The following TP73 variants were observed in gnomAD, a reference collection of about 807,000 sequenced individuals.
The protein encoded by TP73 is p53-like transcription factor.
TP73 carries 25 observed loss-of-function variants against 62.5 expected under a neutral mutation model. The observed-to-expected ratio is 0.40, with a 90% CI of 0.29 to 0.56. The LOEUF (loss-of-function observed/expected upper bound fraction) is 0.56. TP73 is among the 20% of genes least tolerant of loss of function. The pLI, the probability that TP73 is intolerant of heterozygous loss-of-function variation, is 0.46. For missense variants in TP73, 754 were observed against 913.3 expected (o/e 0.83, Z 2.25); for synonymous variants, 423 against 377.5 (o/e 1.12, Z -1.40).
At chr1:3,689,489 C>T (rs1346207424) in intron 3 of TP73, among the ~76,000 whole-genome samples, 3 of 152,078 alleles carry the variant, frequency 2.0e-5, no homozygotes, top group Non-Finnish European at 2.9e-5. Flanking sequence ...GTCCTTTCGT[C>T]CTCAGCCCGG....
chr1:3,682,309 G>C, intron 1 of TP73, 24 bp from the exon 2 acceptor site: 1 of 1,442,640 alleles, frequency 6.9e-7, no homozygotes. Context: ...AGGGTGCTCA[G>C]GTGTCATTCC....
chr1:3,680,242 T>C (rs186572160), intron 1 of TP73, among the ~76,000 whole-genome samples: 116 of 152,332 alleles, frequency 7.6e-4, no homozygotes, highest in African/African-American at 2.6e-3. Context: ...TCGTTCCTTT[T>C]CATGGCCGCG....
intron 1 of TP73, among the ~76,000 whole-genome samples, chr1:3,675,337 C>A (rs1645338360): frequency 6.6e-6 from 1 of 151,922 alleles, no homozygotes; most frequent in East Asian, 1.9e-4. Flanking sequence ...TCTCCTCCCA[C>A]AATGGCCCCA....
intron 3 of TP73, among the ~76,000 whole-genome samples, chr1:3,703,104 C>T (rs1240650093): frequency 6.6e-6 from 1 of 152,166 alleles, no homozygotes; most frequent in African/African-American, 2.4e-5. Flanking sequence ...CCAGAAAGCC[C>T]CCTACACTTC....
In TP73 at chr1:3,692,129, G is replaced by A. The variant is rs117344400; in HGVS notation, c.186+8949G>A. Among the ~76,000 whole-genome samples, 106 of 152,288 alleles carry A rather than the reference G, an allele frequency of 7.0e-4. 2 individuals carry two copies. The East Asian group carries it at 0.019, about 28-fold the overall frequency. On this transcript the variant is annotated intron_variant, in intron 3 of 13. Transcript: ENST00000378295. ...TGCCTGTGTGTTGTGGTGTGTGTAC[G>A]TGTGAGCAGATTGGTACTGCAGGTG...
chr1:3,702,942 T>C (rs919905543), intron 3 of TP73, among the ~76,000 whole-genome samples: 1 of 152,180 alleles, frequency 6.6e-6, no homozygotes, highest in Non-Finnish European at 1.5e-5. Context: ...CAGGGTTCCC[T>C]GTTTCAGCAG....
Position 3,733,197 on chromosome 1 carries a change from A to G in TP73, c.*118A>G, listed in dbSNP as rs1642273327. 4.8e-6 allele frequency: 6 copies of G among 1,250,486 alleles called. No individual in the cohort carries two copies. The highest frequency in any genetic ancestry group is 3.0e-5 in the African/African-American group (2 of 66,128). 77.5% of individuals were successfully genotyped at this position (1,250,486 alleles called of 1,614,324 possible). ...GGACCTTCGGGCTGTGCCCGGGGAA[A>G]GGCAAGGTCCGGCCCATCCCCAGGC... is the stretch of plus-strand genomic sequence containing the variant. On this transcript the variant is annotated 3_prime_UTR_variant, in exon 14 of 14. Transcript: ENST00000378295.
In TP73 at chr1:3,690,825, T is replaced by C. The variant is rs1570458199; in HGVS notation, c.186+7645T>C. On this transcript the variant is annotated intron_variant, in intron 3 of 13. Coordinates refer to ENST00000378295, the MANE Select transcript of TP73 (RefSeq NM_005427.4). ...TGCCGGGCGGCCACGACCGTGACCCTTCCCCTCGGGCCGCCCAGATCCATG... is the reference window on the plus strand; with the variant it reads ...TGCCGGGCGGCCACGACCGTGACCCCTCCCCTCGGGCCGCCCAGATCCATG... 5 of 1,543,014 alleles carry C rather than the reference T, an allele frequency of 3.2e-6. No individual in the cohort carries two copies. In the East Asian group the frequency reaches 1.2e-4, roughly 38 times the overall value.
intron 3 of TP73, among the ~76,000 whole-genome samples, chr1:3,692,528 G>A (rs892775303): frequency 2.6e-5 from 4 of 152,196 alleles, no homozygotes; most frequent in South Asian, 2.1e-4. Flanking sequence ...CCACCAACAC[G>A]TTGCTATTAG....
intron 1 of TP73, among the ~76,000 whole-genome samples, chr1:3,671,901 C>A (rs1440318854): frequency 6.6e-6 from 1 of 151,112 alleles, no homozygotes; most frequent in Non-Finnish European, 1.5e-5. Flanking sequence ...GCGGCCACCA[C>A]TGTGCAGGGG....
rs528369233 is a variant in TP73, at chr1:3,732,770, C to T, written c.1602C>T (p.Pro534=). The T allele has an allele frequency of 1.0e-5, 16 of 1,585,342 alleles. No individual in the cohort carries two copies. Among genetic ancestry groups the T allele is most frequent in the East Asian group, 2.3e-5 (1 of 44,408 alleles). The part of the protein sequence containing the change: ...TIEDLGALKI[P]EQYRMTIWRG... ...AGGACCTGGGGGCCCTGAAGATCCC[C>T]GAGCAGTACCGCATGACCATCTGGC... Residue 534 remains proline, a synonymous_variant, in exon 14 of 14, where the codon CCC becomes CCT. Coordinates refer to ENST00000378295, the MANE Select transcript of TP73 (RefSeq NM_005427.4).
chr1:3,718,141 G>A (rs1184017632), intron 4 of TP73, among the ~76,000 whole-genome samples: 2 of 152,188 alleles, frequency 1.3e-5, no homozygotes, highest in Admixed American at 6.5e-5. Context: ...CCCACTTCCC[G>A]GGGTGGGTGG....
At chr1:3,684,323 G>A (rs375219993) in intron 3 of TP73, among the ~76,000 whole-genome samples, 3 of 152,236 alleles carry the variant, frequency 2.0e-5, no homozygotes, top group African/African-American at 7.2e-5. Flanking sequence ...CGCGTCTGGG[G>A]CAGGGTCGGG....
In TP73 at chr1:3,733,002, T is replaced by A; in HGVS notation, c.1834T>A (p.Phe612Ile). Residue 612 changes from phenylalanine (F) to isoleucine (I), a missense_variant, in exon 14 of 14, where the codon TTC (phenylalanine) becomes ATC (isoleucine). By Grantham distance (21) the Phe-to-Ile change is conservative (BLOSUM62 0). Coordinates refer to ENST00000378295, the MANE Select transcript of TP73 (RefSeq NM_005427.4). ...PGGGPDEWAD[F>I]GFDLPDCKAR... ...CGGCGGCCCTGACGAGTGGGCGGAC[T>A]TCGGCTTCGACCTGCCCGACTGCAA... 1 of 1,573,176 alleles carries A rather than the reference T, an allele frequency of 6.4e-7. No individual in the cohort carries two copies. Among genetic ancestry groups the A allele is most frequent in the Non-Finnish European group, 8.6e-7 (1 of 1,163,646 alleles).
intron 3 of TP73, among the ~76,000 whole-genome samples, chr1:3,703,958 G>A (rs528582788): frequency 6.6e-6 from 1 of 152,350 alleles, no homozygotes; most frequent in Admixed American, 6.5e-5. Flanking sequence ...AAGAGAGAGG[G>A]CACCACGGAG....
intron 3 of TP73, chr1:3,690,657 G>A (rs1269954698): frequency 1.4e-5 from 19 of 1,396,874 alleles, no homozygotes; most frequent in Middle Eastern, 2.7e-4. Flanking sequence ...GGGGTGGGCC[G>A]CGGGTTTTGT....
Position 3,730,973 on chromosome 1 carries a change from C to A in TP73, c.1392C>A (p.Gly464=). Residue 464 remains glycine, a synonymous_variant, in exon 12 of 14, where the codon GGC becomes GGA. Transcript: ENST00000378295. The part of the protein sequence containing the change: ...NNHGHAVPAN[G]EMSSSHSAQS... ...ATGGCCACGCAGTGCCAGCCAACGG[C>A]GAGATGAGCAGCAGCCACAGCGCCC... The A allele has an allele frequency of 3.7e-6, 6 of 1,611,908 alleles. No individual in the cohort carries two copies. Among genetic ancestry groups the A allele is most frequent in the South Asian group, 1.1e-5 (1 of 90,988 alleles).
chr1:3,687,890 G>A (rs1645704792), intron 3 of TP73, among the ~76,000 whole-genome samples: 1 of 152,158 alleles, frequency 6.6e-6, no homozygotes, highest in African/African-American at 2.4e-5. Flanking sequence ...CCAGTGGCAG[G>A]ACAGACACCC....
At chr1:3,684,551 C>T (rs1426087834) in intron 3 of TP73, among the ~76,000 whole-genome samples, 1 of 152,174 alleles carries the variant, frequency 6.6e-6, no homozygotes, top group Non-Finnish European at 1.5e-5. Context: ...GGGCTCCAGT[C>T]AGAACGAACA....
Sources: allele counts gnomAD v4.1 joint callset (sites outside exome capture counted in the v4.1 genomes callset), GRCh38; gene constraint gnomAD v4.1.1; transcripts MANE v1.5; gene names NCBI Gene and HGNC (gene_info 2026-07-23, HGNC 2026-07-21).